The following CFAP299 variants were observed in gnomAD, a reference collection of about 807,000 sequenced individuals.
CFAP299 encodes cilia and flagella associated protein 299, also known as cilia- and flagella-associated protein 299.
CFAP299 carries 21 observed loss-of-function variants against 27.0 expected under a neutral mutation model. That is an observed-to-expected ratio of 0.78 (90% CI 0.55 to 1.12). The LOEUF (loss-of-function observed/expected upper bound fraction) is 1.12. CFAP299 is among the 50% of genes most tolerant of loss of function. CFAP299 has a pLI of 0.00. For missense variants in CFAP299, 310 were observed against 276.6 expected (o/e 1.12, Z -0.86); for synonymous variants, 104 against 98.1 (o/e 1.06, Z -0.36).
At chr4:80,841,982 T>C (rs1730886215) in intron 3 of CFAP299, among the ~76,000 whole-genome samples, 1 of 152,042 alleles carries the variant, frequency 6.6e-6, no homozygotes, top group Admixed American at 6.6e-5. Context: ...TATTTCTCAG[T>C]GTGTGAGCAA....
intron 2 of CFAP299, 138 bp downstream of exon 2, chr4:80,363,022 C>A: frequency 2.1e-6 from 2 of 944,546 alleles, no homozygotes; most frequent in Non-Finnish European, 2.9e-6. Context: ...ATTTGTTCTG[C>A]AGATGAGGAA....
At chr4:80,529,054 G>A (rs1733329402) in intron 2 of CFAP299, among the ~76,000 whole-genome samples, 1 of 152,010 alleles carries the variant, frequency 6.6e-6, no homozygotes, top group South Asian at 2.1e-4. Context: ...ATTTCTCCAT[G>A]TCAGTCCATT....
chr4:80,953,498 A>T (rs1382335268), intron 5 of CFAP299, among the ~76,000 whole-genome samples: 1 of 152,208 alleles, frequency 6.6e-6, no homozygotes, highest in Non-Finnish European at 1.5e-5. Context: ...CTACTGCTAA[A>T]ATCAATGGCC....
At chr4:80,701,839 A>G (rs564171039) in intron 3 of CFAP299, among the ~76,000 whole-genome samples, 6 of 152,162 alleles carry the variant, frequency 3.9e-5, no homozygotes, top group Non-Finnish European at 7.4e-5. Context: ...ATGATTATAA[A>G]CAATGAACTT....
At chr4:80,426,127 GT>G (rs376905295) in intron 2 of CFAP299, among the ~76,000 whole-genome samples, 1,687 of 138,208 alleles carry the variant, frequency 0.012, 8 homozygotes, top group Middle Eastern at 0.027. Context: ...TAGTTTTCTT[GT>G]TTTTTTTTTT....
chr4:80,417,443 G>A (rs146418502), intron 2 of CFAP299, among the ~76,000 whole-genome samples: 3,002 of 152,204 alleles, frequency 0.02, 53 homozygotes, highest in Admixed American at 0.061. Flanking sequence ...ATTCAAGATG[G>A]AGTTGCCCTG....
intron 3 of CFAP299, among the ~76,000 whole-genome samples, chr4:80,767,709 C>T (rs775596786): frequency 6.6e-6 from 1 of 152,220 alleles, no homozygotes; most frequent in Admixed American, 6.5e-5. Context: ...AAGGAAATCA[C>T]AGATAGTGGG....
rs182100484 is a variant in CFAP299 at position 80,859,919 on chromosome 4, G to T, written c.334-10074G>T. ...GTTGCTCTTCTCGAGGAGTATCTTTGTGACATTCTCTTTATTTCCTGAATC... is the reference window on the plus strand; with the variant it reads ...GTTGCTCTTCTCGAGGAGTATCTTTTTGACATTCTCTTTATTTCCTGAATC... On this transcript the variant is annotated intron_variant, in intron 3 of 5. Transcript: ENST00000358105. Among the ~76,000 whole-genome samples the T allele has an allele frequency of 1.8e-3, 277 of 152,152 alleles. 2 individuals are homozygous for T. Among genetic ancestry groups the T allele is most frequent in the African/African-American group, 6.5e-3 (269 of 41,514 alleles).
At chr4:80,606,843 C>T (rs114817732) in intron 3 of CFAP299, among the ~76,000 whole-genome samples, 10 of 151,844 alleles carry the variant, frequency 6.6e-5, no homozygotes, top group Non-Finnish European at 1.0e-4. Flanking sequence ...AAAAATTTCA[C>T]GGATAAAAAA....
At chr4:80,658,281 G>A (rs903804253) in intron 3 of CFAP299, among the ~76,000 whole-genome samples, 2 of 152,122 alleles carry the variant, frequency 1.3e-5, no homozygotes, top group African/African-American at 2.4e-5. Context: ...GAATAGGGGT[G>A]GTGAGAGAGG....
At chr4:80,676,635 T>C (rs766310074) in intron 3 of CFAP299, among the ~76,000 whole-genome samples, 1 of 152,154 alleles carries the variant, frequency 6.6e-6, no homozygotes, top group Non-Finnish European at 1.5e-5. Flanking sequence ...TGATTACTCA[T>C]TATTGGTTTG....
At chr4:80,739,907 A>G (rs968966347) in intron 3 of CFAP299, among the ~76,000 whole-genome samples, 1 of 151,860 alleles carries the variant, frequency 6.6e-6, no homozygotes, top group Non-Finnish European at 1.5e-5. Flanking sequence ...CCTTTATTCA[A>G]GCTATTTTTC....
intron 3 of CFAP299, among the ~76,000 whole-genome samples, chr4:80,662,122 G>A (rs181027524): frequency 7.9e-5 from 12 of 152,088 alleles, no homozygotes; most frequent in East Asian, 3.9e-4. Context: ...CTGTGATCTC[G>A]CCCTGCCTCC....
At chr4:80,444,200 A>G (rs894007750) in intron 2 of CFAP299, among the ~76,000 whole-genome samples, 1 of 152,230 alleles carries the variant, frequency 6.6e-6, no homozygotes, top group East Asian at 1.9e-4. Context: ...TATGAAACCA[A>G]AAAAGAACCT....
intron 2 of CFAP299, among the ~76,000 whole-genome samples, chr4:80,549,072 A>G (rs1268976614): frequency 2.0e-5 from 3 of 152,158 alleles, no homozygotes; most frequent in Non-Finnish European, 4.4e-5. Context: ...GAGAGTGGCA[A>G]GAAATGTCTA....
chr4:80,634,004 T>TA (rs1739355662), intron 3 of CFAP299, among the ~76,000 whole-genome samples: 1 of 150,206 alleles, frequency 6.7e-6, no homozygotes, highest in South Asian at 2.1e-4. Flanking sequence ...TTTTTTTTTT[T>TA]TACGAAATCT....
chr4:80,608,369 A>G, intron 3 of CFAP299: 1 of 1,530,610 alleles, frequency 6.5e-7, no homozygotes, highest in Non-Finnish European at 8.8e-7. Context: ...TCATATCTTG[A>G]AGAAGCAACT....
chr4:80,728,520 C>G (rs1264379208), intron 3 of CFAP299, among the ~76,000 whole-genome samples: 1 of 152,060 alleles, frequency 6.6e-6, no homozygotes, highest in Non-Finnish European at 1.5e-5. Context: ...TTTCTAATAT[C>G]CTTTATTTGG....
At chr4:80,788,917 G>C (rs891879885) in intron 3 of CFAP299, among the ~76,000 whole-genome samples, 1 of 152,058 alleles carries the variant, frequency 6.6e-6, no homozygotes, top group African/African-American at 2.4e-5. Context: ...ATTGGAATGA[G>C]TAAGCCTTTA....
Sources: gnomAD v4.1 joint callset for allele counts (sites outside exome capture counted in the v4.1 genomes callset) on GRCh38, gnomAD v4.1.1 for gene constraint, MANE v1.5 for transcripts, NCBI Gene and HGNC (gene_info 2026-07-23, HGNC 2026-07-21) for gene names.